The following CHST11 variants were observed in gnomAD, a reference collection of about 807,000 sequenced individuals.
CHST11 encodes the protein carbohydrate sulfotransferase 11, also known as C4S-1.
A neutral mutation model predicts 30.4 loss-of-function variants in CHST11; 9 were observed. The observed-to-expected ratio is 0.30, with a 90% CI of 0.18 to 0.52. The LOEUF (loss-of-function observed/expected upper bound fraction) is 0.52, where lower values mean the gene tolerates loss of function less well. Ranked by LOEUF, CHST11 falls within the 20% of genes least tolerant of loss-of-function variation. The probability of loss-of-function intolerance (pLI) is 0.97; values close to 1 mark genes in which losing one functional copy is unlikely to be tolerated. For missense variants in CHST11, 348 were observed against 460.6 expected, an observed-to-expected ratio of 0.76 and a Z score of 2.24; for synonymous variants, 152 against 187.8, an observed-to-expected ratio of 0.81 and a Z score of 1.56.
intron 1 of CHST11, among the ~76,000 whole-genome samples, chr12:104,562,892 A>G (rs1182088104): frequency 3.9e-5 from 6 of 151,970 alleles, no homozygotes; most frequent in African/African-American, 7.2e-5. Context: ...CTCAAAGCAC[A>G]TAATGGGTTA....
At chr12:104,551,195 G>A (rs189229749) in intron 1 of CHST11, among the ~76,000 whole-genome samples, 7 of 152,260 alleles carry the variant, frequency 4.6e-5, no homozygotes, top group African/African-American at 7.2e-5. Context: ...CAAATGTGAC[G>A]ATTTCCCCAG....
At chr12:104,626,505 A>G (rs567398186) in intron 2 of CHST11, among the ~76,000 whole-genome samples, 1 of 151,444 alleles carries the variant, frequency 6.6e-6, no homozygotes, top group African/African-American at 2.4e-5. Context: ...AGCACATGAA[A>G]TCATGTGTGA....
Position 104,685,498 on chromosome 12 carries a change from A to G in CHST11, c.205-71451A>G, listed in dbSNP as rs527485909. 2.2e-4 allele frequency among the ~76,000 whole-genome samples: 33 copies of G among 152,348 alleles called. 1 individual carries two copies. Among genetic ancestry groups the G allele is most frequent in the Non-Finnish European group, 4.6e-4 (31 of 68,030 alleles). On this transcript the variant is annotated intron_variant, in intron 2 of 2. Transcript: ENST00000303694. Reference sequence around the variant, plus strand: ...ATTTTTGAATATTCATCATTAAGACATAATGTATGGGTTGGCGACCAGGGA... The same window carrying G: ...ATTTTTGAATATTCATCATTAAGACGTAATGTATGGGTTGGCGACCAGGGA...
chr12:104,646,009 T>G (rs1460750595), intron 2 of CHST11, among the ~76,000 whole-genome samples: 3 of 152,212 alleles, frequency 2.0e-5, no homozygotes, highest in Non-Finnish European at 4.4e-5. Context: ...TTGCTCACAC[T>G]AGCCCCTCCC....
intron 1 of CHST11, among the ~76,000 whole-genome samples, chr12:104,534,879 T>C (rs948605426): frequency 1.3e-5 from 2 of 152,232 alleles, no homozygotes; most frequent in African/African-American, 2.4e-5. Context: ...AGCTCAATTA[T>C]TCTTTCTTCG....
At chr12:104,607,805 G>GTTT (rs1199943423) in intron 2 of CHST11, among the ~76,000 whole-genome samples, 1 of 152,112 alleles carries the variant, frequency 6.6e-6, no homozygotes, top group African/African-American at 2.4e-5. Context: ...AATCCATCTG[G>GTTT]TTTTTACCTA....
At chr12:104,595,497 C>T (rs997171841) in intron 1 of CHST11, among the ~76,000 whole-genome samples, 1 of 152,112 alleles carries the variant, frequency 6.6e-6, no homozygotes, top group East Asian at 1.9e-4. Flanking sequence ...AGGGAGATGC[C>T]CCACCGCCCT....
intron 1 of CHST11, among the ~76,000 whole-genome samples, chr12:104,487,658 C>T (rs916304573): frequency 6.6e-6 from 1 of 151,976 alleles, no homozygotes; most frequent in African/African-American, 2.4e-5. Context: ...TATCTGAGCT[C>T]ACCAGCTGAA....
chr12:104,477,545 C>T (rs987766195), intron 1 of CHST11, among the ~76,000 whole-genome samples: 3 of 152,116 alleles, frequency 2.0e-5, no homozygotes, highest in Non-Finnish European at 2.9e-5. Context: ...GTCTTTGGGA[C>T]GTGATTAGGT....
intron 1 of CHST11, among the ~76,000 whole-genome samples, chr12:104,577,872 T>C (rs771348305): frequency 6.6e-6 from 1 of 152,188 alleles, no homozygotes; most frequent in Admixed American, 6.5e-5. Flanking sequence ...CAACAAAAGA[T>C]CTGTAGACAA....
chr12:104,721,277 CTCTT>C (rs1339798323), intron 2 of CHST11, among the ~76,000 whole-genome samples: 1 of 152,148 alleles, frequency 6.6e-6, no homozygotes, highest in Non-Finnish European at 1.5e-5. Context: ...CTCTGTGTCT[CTCTT>C]TCTCTCCCAC....
At chr12:104,469,344 A>G (rs994292470) in intron 1 of CHST11, among the ~76,000 whole-genome samples, 2 of 152,226 alleles carry the variant, frequency 1.3e-5, no homozygotes, top group African/African-American at 4.8e-5. Context: ...TGCTGAATGC[A>G]GTGACCGCAG....
At chr12:104,512,563 G>A (rs1057329533) in intron 1 of CHST11, among the ~76,000 whole-genome samples, 7 of 152,116 alleles carry the variant, frequency 4.6e-5, no homozygotes, top group African/African-American at 1.7e-4. Context: ...TATTCACAGT[G>A]CCCCTTTTAT....
At chr12:104,476,114 TA>T (rs1403502772) in intron 1 of CHST11, among the ~76,000 whole-genome samples, 3 of 108,806 alleles carry the variant, frequency 2.8e-5, no homozygotes, top group Non-Finnish European at 5.8e-5. Flanking sequence ...TAAATATAAA[TA>T]ATAATATATA....
intron 2 of CHST11, among the ~76,000 whole-genome samples, chr12:104,622,804 G>A (rs2039172766): frequency 6.6e-6 from 1 of 152,342 alleles, no homozygotes; most frequent in South Asian, 2.1e-4. Context: ...ATAAACGGCT[G>A]AGACCCATGC....
chr12:104,675,494 G>C (rs703673), intron 2 of CHST11, among the ~76,000 whole-genome samples: 15 of 151,994 alleles, frequency 9.9e-5, no homozygotes, highest in Admixed American at 6.5e-4. Flanking sequence ...ACTATCTCCT[G>C]TTCACAGGAT....
chr12:104,514,263 G>A (rs1452783896), intron 1 of CHST11: 3 of 863,888 alleles, frequency 3.5e-6, no homozygotes, highest in Non-Finnish European at 6.0e-6. Context: ...CACAGTTGGT[G>A]TGGGTGGTTC....
rs1034335142 is a variant in CHST11 at position 104,760,968 on chromosome 12, C to T, written c.*3165C>T. On this transcript the variant is annotated 3_prime_UTR_variant, in exon 3 of 3. Transcript: ENST00000303694. ...TTAGCTGGAGAAAAGTACAGGCAGGCGTCCCATCTCCCAGCCACTTCTCAA... is the reference window on the plus strand; with the variant it reads ...TTAGCTGGAGAAAAGTACAGGCAGGTGTCCCATCTCCCAGCCACTTCTCAA... The T allele has an allele frequency of 3.3e-5, 5 of 152,210 alleles. No homozygotes were observed. Among genetic ancestry groups the T allele is most frequent in the African/African-American group, 4.8e-5 (2 of 41,446 alleles). 9.4% of individuals were successfully genotyped at this position (152,210 alleles called of 1,614,324 possible). A position where few individuals can be genotyped will look rare whatever the true frequency, so the allele number is the denominator to read the frequency against.
intron 1 of CHST11, chr12:104,514,314 G>A: frequency 1.1e-6 from 1 of 930,498 alleles, no homozygotes; most frequent in Non-Finnish European, 1.8e-6. Flanking sequence ...CCTGATCATT[G>A]GCTGTGCCAG....
Sources: gnomAD v4.1 joint callset for allele counts (sites outside exome capture counted in the v4.1 genomes callset) on GRCh38, gnomAD v4.1.1 for gene constraint, MANE v1.5 for transcripts, NCBI Gene and HGNC (gene_info 2026-07-23, HGNC 2026-07-21) for gene names.